Variants in TNIK observed in about 807,000 individuals in gnomAD.
The protein encoded by TNIK is TRAF2 and NCK-interacting protein kinase.
In TNIK, 49 loss-of-function variants were observed where a neutral mutation model predicts 191.3. That is an observed-to-expected ratio of 0.26 (90% CI 0.20 to 0.32). The LOEUF is 0.32. TNIK is among the 10% of genes least tolerant of loss of function. The pLI, the probability that TNIK is intolerant of heterozygous loss-of-function variation, is 1.00. For missense variants in TNIK, 1,155 were observed against 1,702.3 expected (o/e 0.68, Z 5.66); for synonymous variants, 594 against 600.9 (o/e 0.99, Z 0.17).
intron 3 of TNIK, among the ~76,000 whole-genome samples, chr3:171,217,809 T>A (rs13325880): frequency 1.5e-3 from 233 of 152,172 alleles, no homozygotes; most frequent in African/African-American, 3.6e-3. Flanking sequence ...GCTGAGTTTT[T>A]AAGGCTAGGT....
At chr3:171,372,632 G>T (rs1716666203) in intron 1 of TNIK, among the ~76,000 whole-genome samples, 1 of 152,194 alleles carries the variant, frequency 6.6e-6, no homozygotes, top group Non-Finnish European at 1.5e-5. Context: ...GTCACTGCAT[G>T]TGGGATGCCC....
intron 13 of TNIK, 95 bp from the exon 14 acceptor site, chr3:171,139,651 G>A (rs546087407): frequency 1.6e-6 from 2 of 1,217,512 alleles, no homozygotes; most frequent in East Asian, 2.4e-5. Flanking sequence ...TAAGTAAAGT[G>A]TAGAAGGAAG....
rs557783585 is a variant in TNIK at position 171,202,590 on chromosome 3, G to T, written c.307-7955C>A. Among the ~76,000 whole-genome samples, 5 of 152,260 alleles carry T rather than the reference G, an allele frequency of 3.3e-5. No homozygotes were observed. In the South Asian group the frequency reaches 1.0e-3, roughly 32 times the overall value. ...CTTCCTTTTGCTTAGATGAAAAGAA[G>T]TTTAAACAAAGTTCAAATGAAATTC... is the stretch of plus-strand genomic sequence containing the variant. On this transcript the variant is annotated intron_variant, in intron 4 of 32. Coordinates refer to ENST00000436636, the MANE Select transcript of TNIK (RefSeq NM_015028.4).
chr3:171,410,863 T>C (rs2108602239), intron 1 of TNIK, among the ~76,000 whole-genome samples: 1 of 149,794 alleles, frequency 6.7e-6, no homozygotes, highest in African/African-American at 2.5e-5. Flanking sequence ...GTCAAATCAG[T>C]CATCAAACCC....
At chr3:171,096,504 C>G (rs1265506039) in intron 22 of TNIK, among the ~76,000 whole-genome samples, 3 of 152,104 alleles carry the variant, frequency 2.0e-5, no homozygotes, top group Non-Finnish European at 4.4e-5. Flanking sequence ...AAATCCTGCC[C>G]CAACTCCTAA....
At chr3:171,341,471 C>CA (rs57372024) in intron 2 of TNIK, among the ~76,000 whole-genome samples, 1 of 36,380 alleles carries the variant, frequency 2.7e-5, no homozygotes, top group Non-Finnish European at 4.6e-5. Flanking sequence ...GACTCTGTCT[C>CA]AAAAAAAAAA....
chr3:171,306,792 G>A (rs1271452451), intron 2 of TNIK, among the ~76,000 whole-genome samples: 1 of 152,104 alleles, frequency 6.6e-6, no homozygotes, highest in Non-Finnish European at 1.5e-5. Context: ...CGTGTTCTCT[G>A]TGGTCAGAAG....
chr3:171,087,279 C>G (rs1262487897), intron 24 of TNIK, 63 bp downstream of exon 24: 2 of 1,599,324 alleles, frequency 1.3e-6, no homozygotes, highest in Middle Eastern at 1.9e-4. Flanking sequence ...TTGAAGAGAT[C>G]ATGGTTTTAG....
At chr3:171,298,174 C>G (rs778783129) in intron 2 of TNIK, among the ~76,000 whole-genome samples, 5 of 152,220 alleles carry the variant, frequency 3.3e-5, no homozygotes, top group African/African-American at 4.8e-5. Context: ...GTGTTGGTTT[C>G]TATCTAAGTA....
At chr3:171,424,993 A>G (rs959922649) in intron 1 of TNIK, among the ~76,000 whole-genome samples, 1 of 151,628 alleles carries the variant, frequency 6.6e-6, no homozygotes, top group African/African-American at 2.4e-5. Flanking sequence ...TAAAAAAAAA[A>G]AACTGGGCAC....
chr3:171,215,351 T>C (rs753138698), intron 3 of TNIK, among the ~76,000 whole-genome samples: 12 of 152,176 alleles, frequency 7.9e-5, no homozygotes, highest in Admixed American at 2.6e-4. Context: ...ATGTTTACTG[T>C]GTACCAGGAG....
At chr3:171,342,968 C>T (rs1423509491) in intron 2 of TNIK, among the ~76,000 whole-genome samples, 1 of 152,180 alleles carries the variant, frequency 6.6e-6, no homozygotes, top group Non-Finnish European at 1.5e-5. Flanking sequence ...TGCCTGCCAC[C>T]ATGTAAGACA....
intron 1 of TNIK, among the ~76,000 whole-genome samples, chr3:171,400,758 G>A (rs1720846736): frequency 6.6e-6 from 1 of 152,118 alleles, no homozygotes; most frequent in Non-Finnish European, 1.5e-5. Context: ...GGACAACTAG[G>A]AGTGGATGGT....
At chr3:171,414,009 A>G (rs1577845506) in intron 1 of TNIK, among the ~76,000 whole-genome samples, 1 of 152,188 alleles carries the variant, frequency 6.6e-6, no homozygotes, top group East Asian at 1.9e-4. Flanking sequence ...TTAATCCCCC[A>G]CAGCACCAGC....
At chr3:171,225,076 G>A (rs1311813955) in intron 3 of TNIK, among the ~76,000 whole-genome samples, 3 of 152,304 alleles carry the variant, frequency 2.0e-5, no homozygotes, top group African/African-American at 7.2e-5. Context: ...GTAGGTCATA[G>A]CATGTAATTA....
intron 1 of TNIK, among the ~76,000 whole-genome samples, chr3:171,370,416 A>T (rs1716328458): frequency 6.6e-6 from 1 of 152,218 alleles, no homozygotes. Flanking sequence ...TTCAATAAAT[A>T]TCCAAAATTA....
intron 29 of TNIK, among the ~76,000 whole-genome samples, chr3:171,070,165 C>A (rs551340838): frequency 6.6e-6 from 1 of 152,248 alleles, no homozygotes; most frequent in Admixed American, 6.5e-5. Context: ...TATTAGTAAC[C>A]TAATGCATTC....
intron 1 of TNIK, among the ~76,000 whole-genome samples, 171 bp from the exon 2 acceptor site, chr3:171,369,856 G>A (rs968608593): frequency 2.0e-5 from 3 of 152,284 alleles, no homozygotes; most frequent in Non-Finnish European, 4.4e-5. Flanking sequence ...GTCAGCTGCA[G>A]CTATGAAATT....
intron 2 of TNIK, among the ~76,000 whole-genome samples, chr3:171,343,965 G>A (rs73879536): frequency 0.05 from 7,606 of 152,220 alleles, 351 homozygotes; most frequent in African/African-American, 0.12. Flanking sequence ...CGACAGTCTA[G>A]TCTGAGCAGA....
Sources: gnomAD v4.1 joint callset for allele counts (sites outside exome capture counted in the v4.1 genomes callset) on GRCh38, gnomAD v4.1.1 for gene constraint, MANE v1.5 for transcripts, NCBI Gene and HGNC (gene_info 2026-07-23, HGNC 2026-07-21) for gene names.